CACNA2D3: variants seen among roughly 807,000 people sequenced by gnomAD.
CACNA2D3 encodes the protein calcium voltage-gated channel auxiliary subunit alpha2delta 3.
In CACNA2D3, 60 loss-of-function variants were observed where a neutral mutation model predicts 160.6. That is an observed-to-expected ratio of 0.37 (90% CI 0.30 to 0.46). The LOEUF (loss-of-function observed/expected upper bound fraction) is 0.46, where lower values mean the gene tolerates loss of function less well. Among genes scored for constraint, CACNA2D3 ranks in the 20% least tolerant of loss-of-function variants. The pLI is 1.00. For missense variants in CACNA2D3, 1,205 were observed against 1,365.0 expected (o/e 0.88, Z 1.85); for synonymous variants, 558 against 492.9 (o/e 1.13, Z -1.75).
rs758607088 is a variant in CACNA2D3 at position 54,828,878 on chromosome 3, T to C, written c.1399-8281T>C. ...AAATGTTTTGGCTAAAAGCAAAATA[T>C]CTTTTTTGTAGCATTCTCAAGATTT... On this transcript the variant is annotated intron_variant, in intron 14 of 37. Coordinates refer to ENST00000474759, the MANE Select transcript of CACNA2D3 (RefSeq NM_018398.3). Among the ~76,000 whole-genome samples, 6 of 152,350 alleles carry C rather than the reference T, an allele frequency of 3.9e-5. 1 individual carries two copies. The highest frequency in any genetic ancestry group is 6.8e-3 in the Middle Eastern group (2 of 294).
chr3:54,302,756 C>T (rs1030243631), intron 2 of CACNA2D3, among the ~76,000 whole-genome samples: 1 of 151,452 alleles, frequency 6.6e-6, no homozygotes, highest in African/African-American at 2.4e-5. Flanking sequence ...TCTGTCCACT[C>T]CTCCTTCATC....
At chr3:54,233,198 C>T (rs1048954264) in intron 2 of CACNA2D3, among the ~76,000 whole-genome samples, 1 of 152,164 alleles carries the variant, frequency 6.6e-6, no homozygotes. Flanking sequence ...CCACTCCCTC[C>T]CATCCCCAGA....
chr3:54,192,187 C>T (rs888678645), intron 2 of CACNA2D3, among the ~76,000 whole-genome samples: 1 of 151,976 alleles, frequency 6.6e-6, no homozygotes, highest in Non-Finnish European at 1.5e-5. Context: ...CATCCTCCCA[C>T]TTCCAGAAAG....
intron 2 of CACNA2D3, among the ~76,000 whole-genome samples, chr3:54,184,625 C>A (rs538809245): frequency 6.6e-6 from 1 of 152,190 alleles, no homozygotes; most frequent in African/African-American, 2.4e-5. Context: ...AATGGGCCAT[C>A]CCATGGGGAA....
chr3:54,521,781 C>G (rs1380531777), intron 5 of CACNA2D3, among the ~76,000 whole-genome samples: 2 of 152,112 alleles, frequency 1.3e-5, no homozygotes, highest in Non-Finnish European at 2.9e-5. Flanking sequence ...GCATGTGGCT[C>G]TCCAGTTGTC....
chr3:54,135,977 G>A (rs1297243543), intron 2 of CACNA2D3, among the ~76,000 whole-genome samples: 1 of 152,218 alleles, frequency 6.6e-6, no homozygotes, highest in Non-Finnish European at 1.5e-5. Flanking sequence ...GGGCTTCTTG[G>A]ACGACAGGGG....
At chr3:54,578,458 C>T (rs530733041) in intron 8 of CACNA2D3, among the ~76,000 whole-genome samples, 3 of 152,318 alleles carry the variant, frequency 2.0e-5, no homozygotes, top group Admixed American at 2.0e-4. Flanking sequence ...AGTCTGGAAG[C>T]AGTTCCGTGC....
chr3:54,751,573 C>T (rs549388331), intron 11 of CACNA2D3, among the ~76,000 whole-genome samples: 1 of 152,242 alleles, frequency 6.6e-6, no homozygotes, highest in African/African-American at 2.4e-5. Flanking sequence ...ACTGGATACT[C>T]TAGTGGAGCA....
intron 4 of CACNA2D3, among the ~76,000 whole-genome samples, chr3:54,415,440 C>A (rs1699739775): frequency 6.6e-6 from 1 of 152,138 alleles, no homozygotes; most frequent in South Asian, 2.1e-4. Context: ...TTTCTACTTT[C>A]AAGTTATTTT....
intron 4 of CACNA2D3, among the ~76,000 whole-genome samples, chr3:54,422,160 G>A (rs544356153): frequency 9.8e-5 from 15 of 152,346 alleles, no homozygotes; most frequent in Non-Finnish European, 1.5e-4. Context: ...ACCTGGTAAC[G>A]ATGATTGCCT....
chr3:54,540,116 C>T (rs1402529208), intron 5 of CACNA2D3, among the ~76,000 whole-genome samples: 5 of 152,100 alleles, frequency 3.3e-5, no homozygotes, highest in South Asian at 2.1e-4. Context: ...AAGTGGTGGC[C>T]GGGCTATTGA....
intron 2 of CACNA2D3, among the ~76,000 whole-genome samples, chr3:54,173,612 G>A (rs79584618): frequency 0.025 from 3,867 of 152,258 alleles, 182 homozygotes; most frequent in African/African-American, 0.089. Flanking sequence ...ACAGCACCTT[G>A]CTAATAATTA....
intron 29 of CACNA2D3, among the ~76,000 whole-genome samples, chr3:54,978,502 T>C (rs1702438519): frequency 6.6e-6 from 1 of 152,246 alleles, no homozygotes; most frequent in Non-Finnish European, 1.5e-5. Context: ...CAAAAGATGA[T>C]ATCTAGAAGA....
chr3:54,593,087 T>C (rs779060196), intron 9 of CACNA2D3, among the ~76,000 whole-genome samples: 15 of 152,286 alleles, frequency 9.8e-5, no homozygotes, highest in Middle Eastern at 3.4e-3. Context: ...AGAGAACAAA[T>C]ACCCACTTTT....
chr3:54,149,923 CTCTCTCTCCCTCCCT>C (rs1576960571), intron 2 of CACNA2D3, among the ~76,000 whole-genome samples: 1 of 70,012 alleles, frequency 1.4e-5, no homozygotes, highest in East Asian at 3.6e-4. Context: ...CTCTCTCTCT[CTCTCTCTCCCTCCCT>C]CCCTCCCTCC....
At chr3:54,743,310 G>A (rs1292385766) in intron 11 of CACNA2D3, among the ~76,000 whole-genome samples, 3 of 152,170 alleles carry the variant, frequency 2.0e-5, no homozygotes, top group African/African-American at 7.2e-5. Flanking sequence ...AAAACAAAAT[G>A]GGTGATGAGG....
chr3:54,915,626 G>A (rs1298632740), intron 27 of CACNA2D3, among the ~76,000 whole-genome samples: 1 of 152,118 alleles, frequency 6.6e-6, no homozygotes, highest in Non-Finnish European at 1.5e-5. Flanking sequence ...CCTGCAAATT[G>A]GGTCTTTCAT....
intron 5 of CACNA2D3, among the ~76,000 whole-genome samples, chr3:54,515,095 C>G (rs1461188366): frequency 4.6e-5 from 7 of 151,724 alleles, no homozygotes; most frequent in Admixed American, 4.6e-4. Context: ...TCCCTGTGCT[C>G]AAGAGAAAGG....
chr3:54,813,332 C>T (rs962144103), intron 13 of CACNA2D3, among the ~76,000 whole-genome samples: 1 of 152,072 alleles, frequency 6.6e-6, no homozygotes, highest in Non-Finnish European at 1.5e-5. Flanking sequence ...GAAAACATCT[C>T]CCCGGTGTGT....
Sources: gnomAD v4.1 joint callset for allele counts (sites outside exome capture counted in the v4.1 genomes callset) on GRCh38, gnomAD v4.1.1 for gene constraint, MANE v1.5 for transcripts, NCBI Gene and HGNC (gene_info 2026-07-23, HGNC 2026-07-21) for gene names.